The following GLT8D2 variants were observed in gnomAD, a reference collection of about 807,000 sequenced individuals.
The protein encoded by GLT8D2 is glycosyltransferase 8 domain-containing protein 2.
A neutral mutation model predicts 44.5 loss-of-function variants in GLT8D2; 45 were observed. That is an observed-to-expected ratio of 1.01 (90% CI 0.80 to 1.30). GLT8D2 has a LOEUF of 1.30. Ranked by LOEUF, GLT8D2 falls within the 50% of genes most tolerant of loss-of-function variation. GLT8D2 has a pLI of 0.00. For missense variants in GLT8D2, 400 were observed against 430.4 expected (o/e 0.93, Z 0.62); for synonymous variants, 156 against 157.2 (o/e 0.99, Z 0.06).
chr12:104,016,431 G>A (rs540677166), intron 3 of GLT8D2, among the ~76,000 whole-genome samples: 1 of 152,096 alleles, frequency 6.6e-6, no homozygotes, highest in Non-Finnish European at 1.5e-5. Flanking sequence ...GAGGCCAGGA[G>A]TTTGAGACCA....
chr12:104,021,867 A>AAAGAAG (rs1175888989), intron 1 of GLT8D2, among the ~76,000 whole-genome samples: 4 of 93,632 alleles, frequency 4.3e-5, no homozygotes, highest in African/African-American at 1.2e-4. Flanking sequence ...GGAGAAGAAG[A>AAAGAAG]AAGAAGAAGA....
intron 4 of GLT8D2, chr12:104,012,596 C>T (rs1876009928): frequency 2.3e-6 from 1 of 431,308 alleles, no homozygotes; most frequent in Admixed American, 4.4e-5. Flanking sequence ...AGAGTGGAGT[C>T]AGTTCAGATG....
intron 1 of GLT8D2, among the ~76,000 whole-genome samples, chr12:104,048,110 T>C (rs1005118215): frequency 7.2e-5 from 11 of 152,206 alleles, no homozygotes; most frequent in African/African-American, 2.4e-4. Context: ...ACACACATGA[T>C]AATCTTATGT....
chr12:104,035,602 G>C lies in GLT8D2; in HGVS notation c.-163-14111C>G, dbSNP rs149779777. On this transcript the variant is annotated intron_variant, in intron 1 of 10. Coordinates refer to ENST00000360814, the MANE Select transcript of GLT8D2 (RefSeq NM_001384711.1). ...AGATCAAATTAATGAAATAAAGTGA[G>C]AAGAGAAGTTAAAAGAAAAAAGAGT... is the stretch of plus-strand genomic sequence containing the variant. 8.0e-4 allele frequency among the ~76,000 whole-genome samples: 121 copies of C among 152,180 alleles called. 3 individuals carry two copies. In the East Asian group the frequency reaches 0.018, roughly 23 times the overall value.
chr12:104,058,938 T>C (rs148871575), intron 1 of GLT8D2, among the ~76,000 whole-genome samples: 1,880 of 152,272 alleles, frequency 0.012, 23 homozygotes, highest in Non-Finnish European at 0.02. Flanking sequence ...CTAAGACAGC[T>C]ACTCAATTAC....
upstream of GLT8D2, among the ~76,000 whole-genome samples, chr12:104,051,489 G>T (rs1440927383): frequency 6.6e-6 from 1 of 151,864 alleles, no homozygotes; most frequent in Non-Finnish European, 1.5e-5. Flanking sequence ...TGTAATAATT[G>T]TACATATTCA....
intron 6 of GLT8D2, among the ~76,000 whole-genome samples, chr12:103,998,607 A>G (rs1873801720): frequency 6.6e-6 from 1 of 152,024 alleles, no homozygotes; most frequent in South Asian, 2.1e-4. Flanking sequence ...ATGGGGTTTC[A>G]CTATGTTGGC....
intron 1 of GLT8D2, chr12:104,029,804 A>T (rs2136425143): frequency 6.6e-6 from 1 of 152,288 alleles, no homozygotes; most frequent in South Asian, 2.1e-4. Context: ...CATTATTATG[A>T]CTGAAGCAGA....
intron 7 of GLT8D2, 112 bp downstream of exon 7, chr12:103,997,335 TTAAA>T: frequency 1.3e-6 from 1 of 786,940 alleles, no homozygotes; most frequent in Non-Finnish European, 2.2e-6. Flanking sequence ...TACTCACAAC[TTAAA>T]TAAGCAGTCA....
intron 4 of GLT8D2, among the ~76,000 whole-genome samples, chr12:104,004,776 G>A (rs907381576): frequency 6.6e-6 from 1 of 152,154 alleles, no homozygotes; most frequent in South Asian, 2.1e-4. Flanking sequence ...TGGATAGGAA[G>A]AATCAATATC....
At position 104,003,300 on chromosome 12, in the gene GLT8D2, T is replaced by A. The variant is rs1232446908; in HGVS notation, c.119A>T (p.Glu40Val). 2 of 1,613,964 alleles carry A rather than the reference T, an allele frequency of 1.2e-6. No individual in the cohort carries two copies. Among genetic ancestry groups the A allele is most frequent in the Non-Finnish European group, 8.5e-7 (1 of 1,179,912 alleles). Residue 40 changes from glutamate to valine, a missense_variant, in exon 5 of 11, where the codon GAA (glutamate) becomes GTA (valine). Physicochemically the swap from Glu to Val is moderately radical, Grantham distance 121. Transcript: ENST00000360814. The part of the protein sequence containing the change: ...GTVPKNDADD[E>V]SETPEELEEE... ...TTCCAGTTCTTCAGGAGTCTCGGATTCATCATCTGGAAACATAAAAACTGG... is the reference window on the plus strand; with the variant it reads ...TTCCAGTTCTTCAGGAGTCTCGGATACATCATCTGGAAACATAAAAACTGG...
intron 8 of GLT8D2, among the ~76,000 whole-genome samples, chr12:103,995,550 G>A (rs567827747): frequency 6.6e-6 from 1 of 152,140 alleles, no homozygotes; most frequent in South Asian, 2.1e-4. Flanking sequence ...ATACAGCCCT[G>A]CCTCCACCCC....
chr12:104,009,635 A>G (rs1388691088), intron 4 of GLT8D2, among the ~76,000 whole-genome samples: 7 of 152,182 alleles, frequency 4.6e-5, no homozygotes, highest in African/African-American at 1.7e-4. Context: ...TGGAGGGACC[A>G]GGGGCAGAAT....
chr12:104,034,855 C>G (rs1245391214), intron 1 of GLT8D2, among the ~76,000 whole-genome samples: 1 of 152,222 alleles, frequency 6.6e-6, no homozygotes, highest in Non-Finnish European at 1.5e-5. Context: ...GGTCCCTGAC[C>G]CCCATGTAGC....
chr12:104,056,393 C>T (rs1882185475), intron 1 of GLT8D2, among the ~76,000 whole-genome samples: 1 of 152,282 alleles, frequency 6.6e-6, no homozygotes, highest in East Asian at 1.9e-4. Context: ...AAAGACATTG[C>T]AATTTACACT....
At chr12:104,016,006 C>T (rs979549351) in intron 3 of GLT8D2, among the ~76,000 whole-genome samples, 1 of 152,136 alleles carries the variant, frequency 6.6e-6, no homozygotes, top group Non-Finnish European at 1.5e-5. Flanking sequence ...CAAAACAAAA[C>T]AAAAACGTAT....
chr12:103,993,157 C>T (rs1474101859), intron 10 of GLT8D2, among the ~76,000 whole-genome samples: 1 of 152,050 alleles, frequency 6.6e-6, no homozygotes, highest in Non-Finnish European at 1.5e-5. Flanking sequence ...ATGGTGAAAC[C>T]CCATCTGTAC....
intron 4 of GLT8D2, among the ~76,000 whole-genome samples, chr12:104,009,133 T>G (rs780379387): frequency 6.6e-6 from 1 of 152,166 alleles, no homozygotes; most frequent in African/African-American, 2.4e-5. Context: ...GACCCCAGAA[T>G]GGTAGATCCA....
At chr12:104,033,792 A>ATG (rs1002550392) in intron 1 of GLT8D2, among the ~76,000 whole-genome samples, 89 of 100,090 alleles carry the variant, frequency 8.9e-4, no homozygotes, top group Middle Eastern at 4.7e-3. Flanking sequence ...GTGTGTATAT[A>ATG]TGTGTGTGTG....
Sources: gnomAD v4.1 joint callset for allele counts (sites outside exome capture counted in the v4.1 genomes callset) on GRCh38, gnomAD v4.1.1 for gene constraint, MANE v1.5 for transcripts, NCBI Gene and HGNC (gene_info 2026-07-23, HGNC 2026-07-21) for gene names.